The following CCDC91 variants were observed in gnomAD, a reference collection of about 807,000 sequenced individuals.
The protein encoded by CCDC91 is coiled-coil domain containing 91.
In CCDC91, 48 loss-of-function variants were observed where a neutral mutation model predicts 63.2. That is an observed-to-expected ratio of 0.76 (90% CI 0.60 to 0.97). The LOEUF is 0.97. Among genes scored for constraint, CCDC91 ranks in the 50% least tolerant of loss-of-function variants. CCDC91 has a pLI of 0.00. For synonymous variants in CCDC91, 167 were observed against 165.8 expected (o/e 1.01, Z -0.06); for missense variants, 500 against 494.6 (o/e 1.01, Z -0.10).
At position 28,235,317 on chromosome 12, in the gene CCDC91, G is replaced by A. The variant is rs1944870090; in HGVS notation, c.-14-21885G>A. Among the ~76,000 whole-genome samples, 3 of 152,066 alleles carry A rather than the reference G, an allele frequency of 2.0e-5. 1 individual carries two copies. The South Asian group carries it at 6.2e-4, about 32-fold the overall frequency. Reference sequence around the variant, plus strand: ...TTGTGGCCTTTTAAAATCTGCCAAAGGTTTAAATGGTGTATATAATTAATG... The same window carrying A: ...TTGTGGCCTTTTAAAATCTGCCAAAAGTTTAAATGGTGTATATAATTAATG... On this transcript the variant is annotated intron_variant, in intron 1 of 12. Coordinates refer to ENST00000536442, the MANE Select transcript of CCDC91 (RefSeq NM_018318.5).
intron 12 of CCDC91, among the ~76,000 whole-genome samples, chr12:28,532,457 A>G (rs1181116018): frequency 6.6e-6 from 1 of 152,126 alleles, no homozygotes; most frequent in Non-Finnish European, 1.5e-5. Context: ...ATCTATATAT[A>G]TTTCAGAGAA....
intron 7 of CCDC91, among the ~76,000 whole-genome samples, chr12:28,365,281 C>G (rs918547613): frequency 6.6e-6 from 1 of 152,110 alleles, no homozygotes; most frequent in East Asian, 1.9e-4. Context: ...ATAGTTTTCA[C>G]TTATGATTTT....
At chr12:28,314,456 A>G (rs1369221238) in intron 6 of CCDC91, among the ~76,000 whole-genome samples, 1 of 152,050 alleles carries the variant, frequency 6.6e-6, no homozygotes, top group Admixed American at 6.6e-5. Context: ...GGTAGATTAG[A>G]TCAGTTGCTT....
At chr12:28,482,916 A>G (rs1265516419) in intron 11 of CCDC91, among the ~76,000 whole-genome samples, 5 of 152,122 alleles carry the variant, frequency 3.3e-5, no homozygotes, top group African/African-American at 1.2e-4. Context: ...ACCCTATAAT[A>G]TAATGGAAAT....
intron 3 of CCDC91, among the ~76,000 whole-genome samples, chr12:28,277,954 T>A (rs933863351): frequency 1.1e-4 from 17 of 152,026 alleles, no homozygotes; most frequent in Non-Finnish European, 2.4e-4. Context: ...AAAATTACTT[T>A]GTACCTCCCG....
At chr12:28,296,367 C>A (rs1422535359) in intron 3 of CCDC91, among the ~76,000 whole-genome samples, 1 of 151,748 alleles carries the variant, frequency 6.6e-6, no homozygotes, top group Non-Finnish European at 1.5e-5. Flanking sequence ...CCCTCTGGAA[C>A]ACTGTTATTC....
intron 8 of CCDC91, chr12:28,412,620 G>T (rs1223037642): frequency 2.7e-5 from 10 of 376,746 alleles, no homozygotes; most frequent in Middle Eastern, 1.9e-3. Context: ...AGGTAGCAGG[G>T]CTTATTTTGA....
At chr12:28,204,015 T>C (rs1712137375) in intron 1 of CCDC91, among the ~76,000 whole-genome samples, 1 of 152,148 alleles carries the variant, frequency 6.6e-6, no homozygotes, top group African/African-American at 2.4e-5. Flanking sequence ...TTTGTGAAAA[T>C]GTCTAGACAT....
chr12:28,324,845 G>A lies in CCDC91; in HGVS notation c.576+17096G>A, dbSNP rs539763184. 1.1e-3 allele frequency among the ~76,000 whole-genome samples: 162 copies of A among 151,586 alleles called. 1 individual carries two copies. Among genetic ancestry groups the A allele is most frequent in the African/African-American group, 3.5e-3 (143 of 41,354 alleles). On this transcript the variant is annotated intron_variant, in intron 6 of 12. Transcript: ENST00000536442. ...TCTTACTTTCCATCCCATCTAGACC[G>A]TAAGAACCATACAATTTGAAATGAT...
chr12:28,338,657 A>C (rs781490290), intron 6 of CCDC91, among the ~76,000 whole-genome samples: 44 of 151,960 alleles, frequency 2.9e-4, no homozygotes, highest in Non-Finnish European at 5.6e-4. Context: ...CATGATTGTC[A>C]TGAATTAAAA....
intron 6 of CCDC91, among the ~76,000 whole-genome samples, chr12:28,315,811 T>C (rs1468682463): frequency 6.6e-6 from 1 of 151,886 alleles, no homozygotes; most frequent in Non-Finnish European, 1.5e-5. Context: ...TTCCTGTTTT[T>C]TTTTTTTAAT....
At position 28,323,746 on chromosome 12, in the gene CCDC91, A is replaced by C. The variant is rs1488928378; in HGVS notation, c.576+15997A>C. Among the ~76,000 whole-genome samples the C allele has an allele frequency of 5.3e-5, 8 of 152,058 alleles. No homozygotes were observed. In the East Asian group the frequency reaches 1.4e-3, roughly 26 times the overall value. On this transcript the variant is annotated intron_variant, in intron 6 of 12. Transcript: ENST00000536442. The stretch of plus-strand genomic sequence containing the variant: ...AGTCATTAGAGTTTAGACTCAGAAT[A>C]TAAATAGGTCTTTGCCAAATAGTCA...
At chr12:28,307,089 C>A (rs1282222490) in intron 5 of CCDC91, 144 bp downstream of exon 5, 3 of 583,060 alleles carry the variant, frequency 5.1e-6, no homozygotes, top group Non-Finnish European at 9.0e-6. Context: ...GAGCTTATCA[C>A]TTAGAAAAGC....
rs917135805 is a variant in CCDC91 at position 28,543,553 on chromosome 12, T to G, written c.1216-5510T>G. ...GAACCCATGACTGTATTCTCTTCCT[T>G]GGACATCCCCGAGTGTCCCAGGACT... On this transcript the variant is annotated intron_variant, in intron 12 of 12. Coordinates refer to ENST00000536442, the MANE Select transcript of CCDC91 (RefSeq NM_018318.5). Among the ~76,000 whole-genome samples, 105 of 152,216 alleles carry G rather than the reference T, an allele frequency of 6.9e-4. 1 individual carries two copies. Among genetic ancestry groups the G allele is most frequent in the African/African-American group, 2.3e-3 (97 of 41,562 alleles).
chr12:28,541,504 T>A (rs1312325546), intron 12 of CCDC91, among the ~76,000 whole-genome samples: 2 of 152,110 alleles, frequency 1.3e-5, no homozygotes, highest in East Asian at 1.9e-4. Flanking sequence ...GAAGGATACA[T>A]AGTAATTGAC....
intron 1 of CCDC91, among the ~76,000 whole-genome samples, chr12:28,203,152 T>G (rs1355577199): frequency 6.6e-6 from 1 of 152,194 alleles, no homozygotes; most frequent in Non-Finnish European, 1.5e-5. Context: ...GCTCTCATGG[T>G]ACTGGGGATA....
At chr12:28,216,474 G>C (rs914242480) in intron 1 of CCDC91, among the ~76,000 whole-genome samples, 2 of 151,872 alleles carry the variant, frequency 1.3e-5, no homozygotes, top group Admixed American at 1.3e-4. Context: ...AGAAAGTTGT[G>C]CCATCTTTTT....
intron 1 of CCDC91, among the ~76,000 whole-genome samples, chr12:28,252,662 G>A (rs1186865915): frequency 1.3e-5 from 2 of 151,940 alleles, no homozygotes; most frequent in African/African-American, 2.4e-5. Context: ...TTAACTTTCT[G>A]AAGATACTAT....
chr12:28,461,631 A>G (rs1311925297), intron 11 of CCDC91, among the ~76,000 whole-genome samples: 1 of 152,084 alleles, frequency 6.6e-6, no homozygotes, highest in Non-Finnish European at 1.5e-5. Context: ...TCGAATGATA[A>G]TATACCTGAC....
Sources: allele counts gnomAD v4.1 joint callset (sites outside exome capture counted in the v4.1 genomes callset), GRCh38; gene constraint gnomAD v4.1.1; transcripts MANE v1.5; gene names NCBI Gene and HGNC (gene_info 2026-07-23, HGNC 2026-07-21).